Variants in ARPP19 observed in about 807,000 individuals in gnomAD.
ARPP19 encodes the protein cAMP regulated phosphoprotein 19.
A neutral mutation model predicts 12.0 loss-of-function variants in ARPP19; 8 were observed. The observed-to-expected ratio is 0.67, with a 90% CI of 0.39 to 1.21. ARPP19 has a LOEUF of 1.21. ARPP19 is among the 50% of genes most tolerant of loss of function. The pLI is 0.01. For missense variants in ARPP19, 102 were observed against 136.3 expected, an observed-to-expected ratio of 0.75 and a Z score of 1.25; for synonymous variants, 47 against 50.4, an observed-to-expected ratio of 0.93 and a Z score of 0.29.
rs532843777 is a variant in ARPP19, at chr15:52,547,976, T to C, written c.*3958A>G. ...GGAAAGTGGAAAATATGTTTGAACA[T>C]TGGAGAATGTGAAAAGGCCACCAAA... On this transcript the variant is annotated 3_prime_UTR_variant, in exon 3 of 3. Transcript: ENST00000249822. 1 of 151,820 alleles carries C rather than the reference T, an allele frequency of 6.6e-6. No homozygotes were observed. The highest frequency in any genetic ancestry group is 6.6e-5 in the Admixed American group (1 of 15,184). The allele number at this position is 151,820 out of a possible 1,614,324, so 9.4% of individuals were successfully genotyped here. A position where few individuals can be genotyped will look rare whatever the true frequency, so the allele number is the denominator to read the frequency against.
At position 52,548,574 on chromosome 15, in the gene ARPP19, G is replaced by C. The variant is rs1294128913; in HGVS notation, c.*3360C>G. ...TCCTGCTCTGTCCTGCCTGGGATGT[G>C]AATCACCCCTTTGTCCTGCTTATCC... On this transcript the variant is annotated 3_prime_UTR_variant, in exon 3 of 3. Transcript: ENST00000249822. The C allele has an allele frequency of 6.6e-6, 1 of 152,480 alleles. No homozygotes were observed. Among genetic ancestry groups the C allele is most frequent in the Non-Finnish European group, 1.5e-5 (1 of 68,078 alleles). The allele number at this position is 152,480 out of a possible 1,614,324, so 9.4% of individuals were successfully genotyped here.
chr15:52,561,871 G>A (rs2078035942), intron 1 of ARPP19, among the ~76,000 whole-genome samples: 1 of 150,948 alleles, frequency 6.6e-6, no homozygotes, highest in South Asian at 2.1e-4. Context: ...CTGAGGGTGG[G>A]TGGTGGTGGT....
Position 52,551,780 on chromosome 15 carries a change from A to C in ARPP19, c.*154T>G, listed in dbSNP as rs2141719254. On this transcript the variant is annotated 3_prime_UTR_variant, in exon 3 of 3. Transcript: ENST00000249822. The stretch of plus-strand genomic sequence containing the variant: ...CTGTTAAACTAATCAAAAACTCTAC[A>C]CACGTATATTCCACAATAGCAGCAC... 3.2e-6 allele frequency: 2 copies of C among 630,246 alleles called. No homozygotes were observed. Among genetic ancestry groups the C allele is most frequent in the East Asian group, 5.3e-5 (2 of 37,492 alleles). 39.0% of individuals were successfully genotyped at this position (630,246 alleles called of 1,614,324 possible).
rs573970198 is a variant in ARPP19 at position 52,567,573 on chromosome 15, T to C, written c.45+1275A>G. On this transcript the variant is annotated intron_variant, in intron 1 of 2. Transcript: ENST00000249822. ...ATAAGCAGGTGATACTTAATAATAC[T>C]GTTAAGATTGCAAACTTTAATATTT... Among the ~76,000 whole-genome samples, 66 of 152,354 alleles carry C rather than the reference T, an allele frequency of 4.3e-4. 3 individuals carry two copies. In the South Asian group the frequency reaches 0.013, roughly 31 times the overall value.
At chr15:52,555,504 T>C (rs1490469770) in intron 2 of ARPP19, among the ~76,000 whole-genome samples, 1 of 151,048 alleles carries the variant, frequency 6.6e-6, no homozygotes, top group Non-Finnish European at 1.5e-5. Flanking sequence ...AATACTATTT[T>C]ATTGACTTAC....
At chr15:52,557,556 C>T in intron 1 of ARPP19, 1 of 187,596 alleles carries the variant, frequency 5.3e-6, no homozygotes, top group Non-Finnish European at 1.1e-5. Flanking sequence ...CTCTTCAGTT[C>T]TTTGCCTATA....
intron 1 of ARPP19, among the ~76,000 whole-genome samples, chr15:52,558,560 T>A: frequency 6.6e-6 from 1 of 151,686 alleles, no homozygotes; most frequent in East Asian, 1.9e-4. Context: ...ATTTTCTAAG[T>A]AATGGACTCA....
chr15:52,554,659 G>A (rs781001442), intron 2 of ARPP19, among the ~76,000 whole-genome samples: 18 of 152,208 alleles, frequency 1.2e-4, no homozygotes, highest in South Asian at 2.1e-4. Flanking sequence ...ATCACCTAAA[G>A]TGGTAATGTT....
At chr15:52,568,386 T>TACA (rs2078105935) in intron 1 of ARPP19, 1 of 157,118 alleles carries the variant, frequency 6.4e-6, no homozygotes, top group African/African-American at 2.4e-5. Context: ...TGACCATGGT[T>TACA]ACAAGGGTTG....
chr15:52,558,035 A>T (rs2077997535), intron 1 of ARPP19, among the ~76,000 whole-genome samples: 1 of 152,226 alleles, frequency 6.6e-6, no homozygotes, highest in Non-Finnish European at 1.5e-5. Flanking sequence ...TGACAGAACT[A>T]TCAATTCTTC....
At chr15:52,555,469 T>A (rs865912039) in intron 2 of ARPP19, among the ~76,000 whole-genome samples, 28 of 152,158 alleles carry the variant, frequency 1.8e-4, no homozygotes, top group Middle Eastern at 3.4e-3. Flanking sequence ...TATATTATGA[T>A]CTTTATGTTC....
chr15:52,558,213 AGC>A (rs1313887596), intron 1 of ARPP19, among the ~76,000 whole-genome samples: 2 of 152,164 alleles, frequency 1.3e-5, no homozygotes, highest in Admixed American at 6.5e-5. Context: ...ACACTTTGGG[AGC>A]TGTGGGCGGA....
intron 1 of ARPP19, chr15:52,568,551 C>A (rs956122452): frequency 8.0e-6 from 3 of 373,028 alleles, no homozygotes; most frequent in Admixed American, 4.8e-5. Flanking sequence ...AAAACTTAGG[C>A]TCTACGCCCA....
intron 1 of ARPP19, among the ~76,000 whole-genome samples, chr15:52,563,282 T>A (rs1020544592): frequency 6.6e-5 from 10 of 152,336 alleles, no homozygotes; most frequent in African/African-American, 2.4e-4. Context: ...GTAAATGGAT[T>A]TACTTAGGTA....
intron 1 of ARPP19, among the ~76,000 whole-genome samples, chr15:52,559,151 T>C (rs950001332): frequency 6.6e-6 from 1 of 152,232 alleles, no homozygotes; most frequent in Non-Finnish European, 1.5e-5. Flanking sequence ...TCCATTTATG[T>C]TATCTCTTTA....
At chr15:52,562,754 G>A (rs1422129602) in intron 1 of ARPP19, among the ~76,000 whole-genome samples, 1 of 151,656 alleles carries the variant, frequency 6.6e-6, no homozygotes, top group East Asian at 1.9e-4. Flanking sequence ...AATTTAAGAA[G>A]TTAGACAAAG....
chr15:52,569,438 G>C (rs1053871532), upstream of ARPP19, among the ~76,000 whole-genome samples: 2 of 152,152 alleles, frequency 1.3e-5, no homozygotes, highest in Non-Finnish European at 2.9e-5. Flanking sequence ...CCAGTCCTAC[G>C]TCTCTGCCTC....
intron 1 of ARPP19, among the ~76,000 whole-genome samples, chr15:52,565,923 C>T (rs756045256): frequency 2.6e-5 from 4 of 152,158 alleles, no homozygotes; most frequent in African/African-American, 9.7e-5. Flanking sequence ...GGCACGATCT[C>T]GGCTAACTGC....
intron 1 of ARPP19, chr15:52,564,231 G>T: frequency 1.3e-6 from 2 of 1,534,566 alleles, no homozygotes; most frequent in Non-Finnish European, 8.7e-7. Context: ...GACCAAGGGA[G>T]CATGTTGTGT....
Sources: gnomAD v4.1 joint callset for allele counts (sites outside exome capture counted in the v4.1 genomes callset) on GRCh38, gnomAD v4.1.1 for gene constraint, MANE v1.5 for transcripts, NCBI Gene and HGNC (gene_info 2026-07-23, HGNC 2026-07-21) for gene names.